The following SBF2 variants were observed in gnomAD, a reference collection of about 807,000 sequenced individuals.
The protein encoded by SBF2 is myotubularin-related protein 13.
Under a neutral mutation model 225.2 loss-of-function variants are expected in SBF2, and 112 were observed. The observed-to-expected ratio is 0.50, with a 90% CI of 0.43 to 0.58. The LOEUF (loss-of-function observed/expected upper bound fraction) is 0.58. Among genes scored for constraint, SBF2 ranks in the 20% least tolerant of loss-of-function variants. SBF2 has a pLI of 0.00. For synonymous variants in SBF2, 763 were observed against 773.3 expected (o/e 0.99, Z 0.22); for missense variants, 1,996 against 2,206.2 (o/e 0.90, Z 1.91).
At chr11:10,008,039 A>G (rs1156788556) in intron 6 of SBF2, among the ~76,000 whole-genome samples, 1 of 152,214 alleles carries the variant, frequency 6.6e-6, no homozygotes. Flanking sequence ...AGGTGGCCCA[A>G]CAATTTGCAA....
intron 2 of SBF2, among the ~76,000 whole-genome samples, chr11:10,137,152 C>T (rs910991993): frequency 6.6e-6 from 1 of 152,146 alleles, no homozygotes; most frequent in Non-Finnish European, 1.5e-5. Context: ...TACATCATTT[C>T]TTTTAGTAAC....
At chr11:9,842,995 G>A (rs1406368978) in intron 24 of SBF2, among the ~76,000 whole-genome samples, 1 of 152,188 alleles carries the variant, frequency 6.6e-6, no homozygotes, top group African/African-American at 2.4e-5. Flanking sequence ...AAACGTGCAG[G>A]AAAATGTAAA....
intron 2 of SBF2, among the ~76,000 whole-genome samples, chr11:10,148,479 T>C (rs998848459): frequency 1.3e-5 from 2 of 151,178 alleles, no homozygotes; most frequent in Admixed American, 6.6e-5. Flanking sequence ...AACAATCCAT[T>C]ATTTAACTCA....
intron 2 of SBF2, among the ~76,000 whole-genome samples, chr11:10,076,204 G>A (rs77079579): frequency 0.068 from 10,345 of 152,222 alleles, 530 homozygotes; most frequent in East Asian, 0.28. Context: ...GGGGAGCTCC[G>A]TGACCCTACT....
At chr11:9,853,819 T>C in intron 19 of SBF2, 107 bp from the exon 20 acceptor site, 1 of 1,034,550 alleles carries the variant, frequency 9.7e-7, no homozygotes, top group Non-Finnish European at 1.5e-6. Context: ...AAGTGATGTC[T>C]ACTCAAGTAG....
At chr11:10,222,653 AT>A (rs1958381924) in intron 1 of SBF2, among the ~76,000 whole-genome samples, 1 of 152,182 alleles carries the variant, frequency 6.6e-6, no homozygotes. Flanking sequence ...ATGCTAAAAG[AT>A]TTCTGAAGGT....
chr11:9,901,324 A>G (rs1310271109), intron 16 of SBF2, among the ~76,000 whole-genome samples: 1 of 152,192 alleles, frequency 6.6e-6, no homozygotes, highest in Non-Finnish European at 1.5e-5. Context: ...TAGGACAAAA[A>G]GACTAGCACT....
intron 16 of SBF2, chr11:9,959,769 G>A: frequency 3.1e-6 from 2 of 644,518 alleles, no homozygotes; most frequent in Non-Finnish European, 6.0e-6. Flanking sequence ...TTAAGTGGGA[G>A]CTTGCTGAGA....
chr11:9,840,250 C>A (rs1040202079), intron 25 of SBF2, among the ~76,000 whole-genome samples: 5 of 100,278 alleles, frequency 5.0e-5, no homozygotes, highest in African/African-American at 1.2e-4. Context: ...CGCCCCCAGC[C>A]GCAAAAAAAA....
chr11:10,293,991 G>A (rs1964350116), intron 1 of SBF2, 24 bp downstream of exon 1: 4 of 1,331,902 alleles, frequency 3.0e-6, no homozygotes, highest in South Asian at 2.1e-5. Context: ...GAGGCCCGGG[G>A]GCGGTGCCGC....
chr11:10,171,059 C>T (rs953478267), intron 2 of SBF2, among the ~76,000 whole-genome samples: 2 of 151,960 alleles, frequency 1.3e-5, no homozygotes, highest in Admixed American at 6.6e-5. Flanking sequence ...TACATTTTTC[C>T]AGATATAAGA....
chr11:9,850,800 A>G (rs1353942094), intron 21 of SBF2, among the ~76,000 whole-genome samples: 1 of 152,228 alleles, frequency 6.6e-6, no homozygotes, highest in Non-Finnish European at 1.5e-5. Context: ...ACATTTTGTA[A>G]CCTTTAAAAA....
intron 2 of SBF2, among the ~76,000 whole-genome samples, chr11:10,093,990 A>T (rs1951896605): frequency 6.6e-6 from 1 of 152,262 alleles, no homozygotes; most frequent in Non-Finnish European, 1.5e-5. Context: ...GGTAAAGCAT[A>T]AAATTTGGAA....
At chr11:10,089,773 C>T (rs1005447922) in intron 2 of SBF2, among the ~76,000 whole-genome samples, 11 of 152,064 alleles carry the variant, frequency 7.2e-5, no homozygotes, top group South Asian at 2.1e-4. Context: ...ACAAAACTAA[C>T]GGCATTTACT....
At chr11:10,115,684 T>C (rs1953104843) in intron 2 of SBF2, among the ~76,000 whole-genome samples, 1 of 152,208 alleles carries the variant, frequency 6.6e-6, no homozygotes, top group African/African-American at 2.4e-5. Flanking sequence ...ACTCCTAATC[T>C]ACGAGACACA....
intron 25 of SBF2, 90 bp from the exon 26 acceptor site, chr11:9,839,786 C>A: frequency 6.1e-6 from 8 of 1,322,066 alleles, no homozygotes; most frequent in Admixed American, 3.4e-5. Context: ...TCACTCTCAT[C>A]TGAAACTGTG....
chr11:10,259,247 T>C (rs1961196021), intron 1 of SBF2, among the ~76,000 whole-genome samples: 2 of 152,170 alleles, frequency 1.3e-5, no homozygotes, highest in Admixed American at 1.3e-4. Flanking sequence ...CCCACATCTT[T>C]TATTGTTAAG....
chr11:9,804,946 T>C (rs1853713557), intron 32 of SBF2, among the ~76,000 whole-genome samples: 1 of 152,170 alleles, frequency 6.6e-6, no homozygotes. Flanking sequence ...TTTATGATCT[T>C]GTCATTTTAA....
intron 16 of SBF2, among the ~76,000 whole-genome samples, chr11:9,908,775 G>A (rs937272487): frequency 6.6e-6 from 1 of 151,922 alleles, no homozygotes; most frequent in Non-Finnish European, 1.5e-5. Context: ...TTGGCTCACT[G>A]TAGCCTTGAC....
Sources: gnomAD v4.1 joint callset for allele counts (sites outside exome capture counted in the v4.1 genomes callset) on GRCh38, gnomAD v4.1.1 for gene constraint, MANE v1.5 for transcripts, NCBI Gene and HGNC (gene_info 2026-07-23, HGNC 2026-07-21) for gene names.